LGR6: variants seen among roughly 807,000 people sequenced by gnomAD.
The protein encoded by LGR6 is leucine rich repeat containing G protein-coupled receptor 6.
Under a neutral mutation model 69.4 loss-of-function variants are expected in LGR6, and 45 were observed. The observed-to-expected ratio is 0.65, with a 90% CI of 0.51 to 0.83. LGR6 has a LOEUF of 0.83. Ranked by LOEUF, LGR6 falls within the 40% of genes least tolerant of loss-of-function variation. LGR6 has a pLI of 0.00. For synonymous variants in LGR6, 538 were observed against 555.0 expected, an observed-to-expected ratio of 0.97 and a Z score of 0.43; for missense variants, 1,108 against 1,246.7, an observed-to-expected ratio of 0.89 and a Z score of 1.68.
At chr1:202,311,759 T>G (rs973265615) in intron 16 of LGR6, among the ~76,000 whole-genome samples, 4 of 152,230 alleles carry the variant, frequency 2.6e-5, no homozygotes, top group Non-Finnish European at 2.9e-5. Context: ...TGAAGTATGC[T>G]CATCGCTACT....
intron 1 of LGR6, among the ~76,000 whole-genome samples, chr1:202,211,029 T>A (rs951472718): frequency 1.3e-5 from 2 of 152,082 alleles, no homozygotes; most frequent in East Asian, 1.9e-4. Flanking sequence ...GTGGGTAGGA[T>A]GGGGCAGCAG....
intron 17 of LGR6, among the ~76,000 whole-genome samples, chr1:202,315,172 A>C (rs1558088876): frequency 6.6e-6 from 1 of 152,214 alleles, no homozygotes; most frequent in Non-Finnish European, 1.5e-5. Flanking sequence ...AGAAGCAGGA[A>C]AGAATGCCTT....
chr1:202,238,807 A>T (rs1449579599), intron 4 of LGR6, among the ~76,000 whole-genome samples: 1 of 151,840 alleles, frequency 6.6e-6, no homozygotes, highest in Non-Finnish European at 1.5e-5. Flanking sequence ...TCAGGTGAAG[A>T]GGCGGGGAAT....
At chr1:202,205,467 C>CATACCTA (rs1659162886) in intron 1 of LGR6, among the ~76,000 whole-genome samples, 11 of 19,330 alleles carry the variant, frequency 5.7e-4, no homozygotes, top group African/African-American at 9.6e-4. Flanking sequence ...CCTCCAAACA[C>CATACCTA]ACACACACCT....
intron 1 of LGR6, among the ~76,000 whole-genome samples, chr1:202,217,917 C>T (rs1261164231): frequency 6.6e-6 from 1 of 152,230 alleles, no homozygotes; most frequent in Non-Finnish European, 1.5e-5. Context: ...AAGATAGACA[C>T]ACTTTTTCCT....
At chr1:202,200,708 C>T (rs762596670) in intron 1 of LGR6, among the ~76,000 whole-genome samples, 3 of 152,140 alleles carry the variant, frequency 2.0e-5, no homozygotes, top group African/African-American at 7.2e-5. Context: ...ATCTCCAGTC[C>T]CTAATGACAA....
intron 2 of LGR6, 49 bp from the exon 3 acceptor site, chr1:202,227,887 C>G (rs753878753): frequency 2.9e-6 from 4 of 1,375,962 alleles, no homozygotes; most frequent in Non-Finnish European, 4.2e-6. Context: ...AGGTCACCAC[C>G]TCCTTGGGTT....
At position 202,306,868 on chromosome 1, in the gene LGR6, C is replaced by T. The variant is rs563721511; in HGVS notation, c.1137C>T (p.Ile379=). The T allele has an allele frequency of 2.6e-5, 42 of 1,613,958 alleles. No individual in the cohort carries two copies. In the South Asian group the frequency reaches 3.6e-4, roughly 14 times the overall value. Residue 379 remains isoleucine, a splice_region_variant and synonymous_variant, in exon 13 of 18, where the codon ATC becomes ATT. Coordinates refer to ENST00000367278, the MANE Select transcript of LGR6 (RefSeq NM_001017403.2). ...CATCCAGCCTCTCTTGCTGCCCTAG[C>T]GGCCTCCAACACAACCGCATCTGGG... The part of the protein sequence containing the change: ...SLHRCQKLEE[I]GLQHNRIWEI...
At chr1:202,196,548 G>T (rs1158732925) in intron 1 of LGR6, among the ~76,000 whole-genome samples, 1 of 152,150 alleles carries the variant, frequency 6.6e-6, no homozygotes, top group Non-Finnish European at 1.5e-5. Context: ...TCCTAGCTCT[G>T]CCACCTACTG....
chr1:202,295,911 G>GTA (rs1009856184), intron 6 of LGR6, among the ~76,000 whole-genome samples: 8 of 130,322 alleles, frequency 6.1e-5, no homozygotes, highest in African/African-American at 1.9e-4. Context: ...GTGTGTGTGT[G>GTA]TGTGACAATT....
At chr1:202,273,420 A>G (rs1665269355) in intron 4 of LGR6, among the ~76,000 whole-genome samples, 1 of 151,156 alleles carries the variant, frequency 6.6e-6, no homozygotes, top group Admixed American at 6.6e-5. Context: ...CCCCACATCC[A>G]GTGGGTTGCT....
rs533521689 is a variant in LGR6 at position 202,211,412 on chromosome 1, G to A, written c.213-14011G>A. Among the ~76,000 whole-genome samples, 372 of 152,298 alleles carry A rather than the reference G, an allele frequency of 2.4e-3. 1 individual carries two copies. The highest frequency in any genetic ancestry group is 2.9e-3 in the Non-Finnish European group (199 of 68,026). On this transcript the variant is annotated intron_variant, in intron 1 of 17. Coordinates refer to ENST00000367278, the MANE Select transcript of LGR6 (RefSeq NM_001017403.2). ...TCTGTTACCGAGGCTGGAGTGCAGT[G>A]GTGTGATCTTGGTTCACTGCAACCT...
intron 4 of LGR6, among the ~76,000 whole-genome samples, chr1:202,272,818 C>A (rs1240675890): frequency 6.6e-6 from 1 of 152,222 alleles, no homozygotes; most frequent in East Asian, 1.9e-4. Context: ...CTTCCAAGTG[C>A]CCCCTGAGCT....
At chr1:202,236,927 G>A (rs983666357) in intron 4 of LGR6, among the ~76,000 whole-genome samples, 2 of 152,262 alleles carry the variant, frequency 1.3e-5, no homozygotes, top group Non-Finnish European at 2.9e-5. Flanking sequence ...GGTGGAAGGA[G>A]AAATGAGGTG....
Position 202,303,271 on chromosome 1 carries a change from A to G in LGR6, c.930-8A>G, listed in dbSNP as rs1257249245. 4.3e-6 allele frequency: 7 copies of G among 1,612,014 alleles called. No homozygotes were observed. The highest frequency in any genetic ancestry group is 4.5e-5 in the East Asian group (2 of 44,874). On this transcript the variant is annotated splice_region_variant and splice_polypyrimidine_tract_variant and intron_variant, in intron 9 of 17. Coordinates refer to ENST00000367278, the MANE Select transcript of LGR6 (RefSeq NM_001017403.2). ...CCACCCCTCAGAGCTCATTGTCTCT[A>G]TTTCCAGATCTCTGAATGGTGCCAT...
intron 6 of LGR6, among the ~76,000 whole-genome samples, chr1:202,296,121 GC>G (rs1667142985): frequency 6.6e-6 from 1 of 152,116 alleles, no homozygotes; most frequent in Non-Finnish European, 1.5e-5. Context: ...TGGTCCCCCT[GC>G]CCTGGCTTGG....
At chr1:202,259,916 G>A (rs1034435911) in intron 4 of LGR6, among the ~76,000 whole-genome samples, 6 of 152,132 alleles carry the variant, frequency 3.9e-5, no homozygotes, top group East Asian at 1.9e-4. Flanking sequence ...CAGCAATCAC[G>A]GTCCTGCGCT....
chr1:202,247,403 C>T (rs1416751423), intron 4 of LGR6, among the ~76,000 whole-genome samples: 2 of 152,184 alleles, frequency 1.3e-5, no homozygotes, highest in African/African-American at 2.4e-5. Flanking sequence ...CGCCCTCTCC[C>T]AACCTCAGCT....
intron 6 of LGR6, among the ~76,000 whole-genome samples, chr1:202,289,224 G>A (rs914601403): frequency 6.6e-6 from 1 of 152,220 alleles, no homozygotes; most frequent in Non-Finnish European, 1.5e-5. Context: ...CAGTAAGGAA[G>A]GATTACGTAA....
Sources: allele counts gnomAD v4.1 joint callset (sites outside exome capture counted in the v4.1 genomes callset), GRCh38; gene constraint gnomAD v4.1.1; transcripts MANE v1.5; gene names NCBI Gene and HGNC (gene_info 2026-07-23, HGNC 2026-07-21).